MAGEA1: variants seen among roughly 807,000 people sequenced by gnomAD.
MAGEA1 encodes MAGE family member A1.
For missense variants in MAGEA1, 182 were observed against 233.7 expected (o/e 0.78, Z 1.44); for synonymous variants, 101 against 96.7 (o/e 1.04, Z -0.26).
chrX:153,179,930 C>T (rs186686978), intron 1 of MAGEA1, among the ~76,000 whole-genome samples: 39 of 110,414 alleles, frequency 3.5e-4, no homozygotes, highest in East Asian at 1.1e-3. Context: ...CTGGATGGCC[C>T]GATGTGAAAC....
At chrX:153,180,391 A>T (rs2051486711) in intron 1 of MAGEA1, among the ~76,000 whole-genome samples, 1 of 108,404 alleles carries the variant, frequency 9.2e-6, no homozygotes, top group Non-Finnish European at 1.9e-5. Flanking sequence ...TCCCATACCT[A>T]CCCCCTACCC....
Position 153,182,305 on chromosome X carries a change from C to T in MAGEA1, c.-65-20C>T. On this transcript the variant is annotated intron_variant, in intron 2 of 2. Coordinates refer to ENST00000356661, the MANE Select transcript of MAGEA1 (RefSeq NM_004988.5). ...TTCAGTTCTCAGCTGAGGCCTCTCA[C>T]ACACTCCCTCTCTCCCCAGGCCTGT... 3 of 1,009,088 alleles carry T rather than the reference C, an allele frequency of 3.0e-6. No homozygotes were observed. The highest frequency in any genetic ancestry group is 3.8e-5 in the South Asian group (2 of 52,655). 83.2% of individuals were successfully genotyped at this position (1,009,088 alleles called of 1,213,427 possible). A position where few individuals can be genotyped will look rare whatever the true frequency, so the allele number is the denominator to read the frequency against.
chrX:153,182,638 T>C lies in MAGEA1; in HGVS notation c.249T>C (p.Arg83=), dbSNP rs2051502176. The change falls in exon 3 of 3, where the codon CGT becomes CGC. Residue 83 remains arginine, a synonymous_variant. Coordinates refer to ENST00000356661, the MANE Select transcript of MAGEA1 (RefSeq NM_004988.5). ...AACCCAGTGAGGGTTCCAGCAGCCG[T>C]GAAGAGGAGGGGCCAAGCACCTCTT... ...QRQPSEGSSS[R]EEEGPSTSCI... 1 of 1,209,835 alleles carries C rather than the reference T, an allele frequency of 8.3e-7. No homozygotes were observed. The highest frequency in any genetic ancestry group is 1.8e-5 in the African/African-American group (1 of 57,118).
intron 1 of MAGEA1, among the ~76,000 whole-genome samples, chrX:153,180,458 G>A (rs1440202081): frequency 9.0e-6 from 1 of 111,389 alleles, no homozygotes; most frequent in African/African-American, 3.3e-5. Flanking sequence ...CGGGAATGGC[G>A]GCCAGGCACT....
At chrX:153,180,017 A>C (rs1207027889) in intron 1 of MAGEA1, among the ~76,000 whole-genome samples, 3 of 108,212 alleles carry the variant, frequency 2.8e-5, no homozygotes, top group African/African-American at 1.1e-4. Context: ...AGATCCACTG[A>C]GGGGAGTGGT....
chrX:153,182,526 T>C lies in MAGEA1; in HGVS notation c.137T>C (p.Val46Ala). Reference protein sequence around the residue: ...SPLVLGTLEEVPTAGSTDPPQ... With the variant: ...SPLVLGTLEEAPTAGSTDPPQ... ...CTGGTCCTGGGCACCCTGGAGGAGG[T>C]GCCCACTGCTGGGTCAACAGATCCT... is the stretch of plus-strand genomic sequence containing the variant. Residue 46 changes from valine (V) to alanine (A), a missense_variant, in exon 3 of 3, where the codon GTG becomes GCG. Val to Ala is a moderately conservative substitution (Grantham distance 64, BLOSUM62 0). Coordinates refer to ENST00000356661, the MANE Select transcript of MAGEA1 (RefSeq NM_004988.5). The C allele has an allele frequency of 1.7e-6, 2 of 1,211,040 alleles. No individual in the cohort carries two copies. Among genetic ancestry groups the C allele is most frequent in the Non-Finnish European group, 1.1e-6 (1 of 895,181 alleles).
At chrX:153,180,424 C>T (rs1556943798) in intron 1 of MAGEA1, among the ~76,000 whole-genome samples, 1 of 111,424 alleles carries the variant, frequency 9.0e-6, no homozygotes, top group Non-Finnish European at 1.9e-5. Context: ...TGTCAGAATC[C>T]CTGCTGTCAA....
chrX:153,182,216 T>C lies in MAGEA1; in HGVS notation c.-99T>C. Reference sequence around the variant, plus strand: ...GGCCAACCCAGAGGACAGGATTCCCTGGAGGCCACAGAGGAGCACCAAGGA... The same window carrying C: ...GGCCAACCCAGAGGACAGGATTCCCCGGAGGCCACAGAGGAGCACCAAGGA... On this transcript the variant is annotated 5_prime_UTR_variant, in exon 2 of 3. Transcript: ENST00000356661. 9.8e-7 allele frequency: 1 copy of C among 1,022,300 alleles called. No individual in the cohort carries two copies. The highest frequency in any genetic ancestry group is 1.4e-6 in the Non-Finnish European group (1 of 726,122). The allele number at this position is 1,022,300 out of a possible 1,213,427, so 84.2% of individuals were successfully genotyped here.
chrX:153,180,901 C>T (rs2051489462), intron 1 of MAGEA1, among the ~76,000 whole-genome samples: 1 of 111,394 alleles, frequency 9.0e-6, no homozygotes, highest in Non-Finnish European at 1.9e-5. Context: ...CAAGATGTGC[C>T]CCCTTCATGA....
intron 1 of MAGEA1, among the ~76,000 whole-genome samples, chrX:153,181,603 C>A (rs782136102): frequency 9.0e-6 from 1 of 111,128 alleles, no homozygotes; most frequent in East Asian, 2.9e-4. Flanking sequence ...CAAGCGGGCA[C>A]CTCACCCAGG....
In MAGEA1 at chrX:153,182,239, G is replaced by A; in HGVS notation, c.-76G>A. 9.6e-7 allele frequency: 1 copy of A among 1,040,117 alleles called. No individual in the cohort carries two copies. The highest frequency in any genetic ancestry group is 1.3e-6 in the Non-Finnish European group (1 of 741,331). 85.7% of individuals were successfully genotyped at this position (1,040,117 alleles called of 1,213,427 possible). On this transcript the variant is annotated 5_prime_UTR_variant, in exon 2 of 3. Coordinates refer to ENST00000356661, the MANE Select transcript of MAGEA1 (RefSeq NM_004988.5). ...CCTGGAGGCCACAGAGGAGCACCAAGGAGAAGATCTGTAAGTAGGCCTTTG... is the reference window on the plus strand; with the variant it reads ...CCTGGAGGCCACAGAGGAGCACCAAAGAGAAGATCTGTAAGTAGGCCTTTG...
intron 1 of MAGEA1, 102 bp downstream of exon 1, chrX:153,179,467 G>C (rs79565072): frequency 9.3e-6 from 1 of 107,182 alleles, no homozygotes; most frequent in Non-Finnish European, 1.9e-5. Context: ...CCCGCGGGAA[G>C]ACGTCTCAGC....
At chrX:153,181,217 AG>A (rs2051491517) in intron 1 of MAGEA1, among the ~76,000 whole-genome samples, 1 of 111,786 alleles carries the variant, frequency 8.9e-6, no homozygotes, top group Non-Finnish European at 1.9e-5. Context: ...CACCTCACCC[AG>A]GATGTGGCTT....
intron 1 of MAGEA1, among the ~76,000 whole-genome samples, chrX:153,181,033 G>T (rs998693035): frequency 9.2e-6 from 1 of 109,115 alleles, no homozygotes; most frequent in Non-Finnish European, 1.9e-5. Context: ...TTGTACCACA[G>T]GCAGGAAGTT....
In MAGEA1 at chrX:153,183,319, A is replaced by C; in HGVS notation, c.930A>C (p.Ter310CysextTer2). ...TGAGAGAGGAGGAAGAGGGAGTCTG[A>C]GCATGAGTTGCAGCCAAGGCCAGTG... is the stretch of plus-strand genomic sequence containing the variant. ...AALREEEEGV[*>C] Residue 310 changes from the stop codon to cysteine (C), a stop_lost, in exon 3 of 3, where the codon TGA becomes TGC. Transcript: ENST00000356661. 1 of 1,203,001 alleles carries C rather than the reference A, an allele frequency of 8.3e-7. No individual in the cohort carries two copies. The highest frequency in any genetic ancestry group is 1.1e-6 in the Non-Finnish European group (1 of 890,244).
chrX:153,182,431 A>C lies in MAGEA1; in HGVS notation c.42A>C (p.Glu14Asp), dbSNP rs1444089551. 4.1e-6 allele frequency: 5 copies of C among 1,209,221 alleles called. No individual in the cohort carries two copies. Among genetic ancestry groups the C allele is most frequent in the Non-Finnish European group, 5.6e-6 (5 of 894,831 alleles). The change falls in exon 3 of 3, where the codon GAA becomes GAC. Residue 14 changes from glutamate to aspartate, a missense_variant. By Grantham distance (45) the Glu-to-Asp change is conservative (BLOSUM62 2). Transcript: ENST00000356661. ...GGAGTCTGCACTGCAAGCCTGAGGA[A>C]GCCCTTGAGGCCCAACAAGAGGCCC... is the stretch of plus-strand genomic sequence containing the variant. ...EQRSLHCKPE[E>D]ALEAQQEALG...
chrX:153,180,551 G>A (rs898739761), intron 1 of MAGEA1, among the ~76,000 whole-genome samples: 5 of 111,574 alleles, frequency 4.5e-5, no homozygotes, highest in African/African-American at 1.3e-4. Context: ...GGGCCCTACT[G>A]CGAGATGAGG....
intron 1 of MAGEA1, among the ~76,000 whole-genome samples, chrX:153,180,078 G>T (rs1339566067): frequency 9.1e-6 from 1 of 109,870 alleles, no homozygotes; most frequent in East Asian, 2.9e-4. Flanking sequence ...GACTGAGGAG[G>T]CACACACCCC....
At position 153,183,298 on chromosome X, in the gene MAGEA1, A is replaced by G. The variant is rs1556944255; in HGVS notation, c.909A>G (p.Arg303=). 8.3e-7 allele frequency: 1 copy of G among 1,207,519 alleles called. No individual in the cohort carries two copies. Among genetic ancestry groups the G allele is most frequent in the Non-Finnish European group, 1.1e-6 (1 of 893,114 alleles). ...CATCCCTGCGTGAAGCAGCTTTGAG[A>G]GAGGAGGAAGAGGGAGTCTGAGCAT... The part of the protein sequence containing the change: ...FFPSLREAAL[R]EEEEGV Residue 303 remains arginine, a synonymous_variant, in exon 3 of 3, where the codon AGA becomes AGG. Coordinates refer to ENST00000356661, the MANE Select transcript of MAGEA1 (RefSeq NM_004988.5).
Sources: allele counts gnomAD v4.1 joint callset (sites outside exome capture counted in the v4.1 genomes callset), GRCh38; gene constraint gnomAD v4.1.1; transcripts MANE v1.5; gene names NCBI Gene and HGNC (gene_info 2026-07-23, HGNC 2026-07-21).